The following DCC variants were observed in gnomAD, a reference collection of about 807,000 sequenced individuals.
DCC encodes netrin receptor DCC.
In DCC, 58 loss-of-function variants were observed where a neutral mutation model predicts 172.5. The observed-to-expected ratio is 0.34, with a 90% CI of 0.27 to 0.42. DCC has a LOEUF of 0.42. Among genes scored for constraint, DCC ranks in the 10% least tolerant of loss-of-function variants. The probability of loss-of-function intolerance (pLI) is 1.00; values close to 1 mark genes in which losing one functional copy is unlikely to be tolerated. For missense variants in DCC, 1,740 were observed against 1,791.0 expected, an observed-to-expected ratio of 0.97 and a Z score of 0.51; for synonymous variants, 709 against 644.5, an observed-to-expected ratio of 1.10 and a Z score of -1.52.
At chr18:53,519,826 C>A (rs533986283) in intron 27 of DCC, among the ~76,000 whole-genome samples, 14 of 152,198 alleles carry the variant, frequency 9.2e-5, no homozygotes, top group African/African-American at 2.6e-4. Flanking sequence ...AAAAAGTCAT[C>A]AAAAATTCTA....
rs1362201353 is a variant in DCC at position 53,534,647 on chromosome 18, T to C, written c.*3994T>C. ...GATACTTGGGAAAATCATAGATAGGTGTTTTGTATGATATTCCATTCCAAT... is the reference window on the plus strand; with the variant it reads ...GATACTTGGGAAAATCATAGATAGGCGTTTTGTATGATATTCCATTCCAAT... On this transcript the variant is annotated 3_prime_UTR_variant, in exon 29 of 29. Transcript: ENST00000442544. 1 of 152,182 alleles carries C rather than the reference T, an allele frequency of 6.6e-6. No homozygotes were observed. Among genetic ancestry groups the C allele is most frequent in the African/African-American group, 2.4e-5 (1 of 41,454 alleles). 9.4% of individuals were successfully genotyped at this position (152,182 alleles called of 1,614,324 possible).
At chr18:53,466,294 G>C (rs915468355) in intron 24 of DCC, among the ~76,000 whole-genome samples, 1 of 151,944 alleles carries the variant, frequency 6.6e-6, no homozygotes, top group South Asian at 2.1e-4. Context: ...TTACCATTAG[G>C]GTGCACTTCT....
intron 5 of DCC, among the ~76,000 whole-genome samples, chr18:52,942,672 A>G (rs1388346503): frequency 6.6e-6 from 1 of 152,172 alleles, no homozygotes; most frequent in Non-Finnish European, 1.5e-5. Flanking sequence ...CTTATTCACT[A>G]CCGTGAAAAC....
chr18:53,352,835 A>G (rs1473445519), intron 15 of DCC, among the ~76,000 whole-genome samples: 1 of 151,916 alleles, frequency 6.6e-6, no homozygotes, highest in Non-Finnish European at 1.5e-5. Context: ...ATTTTTTTCT[A>G]AGTTTCTGCA....
intron 7 of DCC, among the ~76,000 whole-genome samples, chr18:53,099,972 A>C (rs1366405877): frequency 3.2e-5 from 3 of 94,532 alleles, no homozygotes; most frequent in Non-Finnish European, 6.0e-5. Context: ...TTTGAGACAG[A>C]GTCTTGCTTT....
chr18:53,143,414 C>A (rs8088857), intron 7 of DCC, among the ~76,000 whole-genome samples: 12 of 152,034 alleles, frequency 7.9e-5, no homozygotes, highest in Non-Finnish European at 4.4e-5. Flanking sequence ...AAAACTCTTA[C>A]AATCTCCAGA....
At chr18:52,746,300 G>T (rs1678125910) in intron 1 of DCC, among the ~76,000 whole-genome samples, 1 of 152,146 alleles carries the variant, frequency 6.6e-6, no homozygotes, top group Non-Finnish European at 1.5e-5. Context: ...GAAAGTTTGT[G>T]TAATTTTAAG....
Position 53,269,155 on chromosome 18 carries a change from C to A in DCC, c.1912-36423C>A, listed in dbSNP as rs529432107. ...GGGTATATGTGCACTTGTGCCTGTG[C>A]ATATGGGATTTTTCTTTTAGCTTGC... On this transcript the variant is annotated intron_variant, in intron 12 of 28. Coordinates refer to ENST00000442544, the MANE Select transcript of DCC (RefSeq NM_005215.4). Among the ~76,000 whole-genome samples the A allele has an allele frequency of 7.2e-5, 11 of 152,088 alleles. 1 individual carries two copies. Among genetic ancestry groups the A allele is most frequent in the Admixed American group, 3.9e-4 (6 of 15,270 alleles).
chr18:52,890,692 A>C (rs1231057245), intron 2 of DCC, among the ~76,000 whole-genome samples: 1 of 152,118 alleles, frequency 6.6e-6, no homozygotes, highest in Non-Finnish European at 1.5e-5. Flanking sequence ...GCAATTTTCC[A>C]AAAGGACAAA....
intron 5 of DCC, among the ~76,000 whole-genome samples, chr18:53,049,832 G>A (rs535889717): frequency 3.3e-5 from 5 of 152,096 alleles, no homozygotes; most frequent in South Asian, 2.1e-4. Context: ...TAGGTCAGAC[G>A]TATATATGAA....
chr18:52,867,153 T>C (rs2039241134), intron 2 of DCC, among the ~76,000 whole-genome samples: 3 of 152,360 alleles, frequency 2.0e-5, no homozygotes, highest in East Asian at 1.9e-4. Context: ...GTTTTTGTCA[T>C]TGGTTCTGTT....
chr18:53,104,398 G>A lies in DCC; in HGVS notation c.1261+38232G>A, dbSNP rs565894936. Among the ~76,000 whole-genome samples the A allele has an allele frequency of 5.3e-5, 8 of 152,054 alleles. No homozygotes were observed. In the South Asian group the frequency reaches 1.7e-3, roughly 32 times the overall value. On this transcript the variant is annotated intron_variant, in intron 7 of 28. Transcript: ENST00000442544. ...CAAGATCTGATGGTTTTAAAAATGG[G>A]AGTTTCCCTGCACAAGCTCTCTCTC...
chr18:52,824,573 A>C (rs1441219123), intron 2 of DCC, among the ~76,000 whole-genome samples: 1 of 152,154 alleles, frequency 6.6e-6, no homozygotes, highest in Non-Finnish European at 1.5e-5. Context: ...ATGCTTGTAC[A>C]TTGAGAGGGG....
chr18:53,253,918 C>T (rs575538250), intron 12 of DCC, among the ~76,000 whole-genome samples: 2 of 152,092 alleles, frequency 1.3e-5, no homozygotes, highest in South Asian at 4.1e-4. Context: ...TCATCTGGAA[C>T]AGGTGATGAA....
At chr18:52,365,677 C>T (rs1598864948) in intron 1 of DCC, among the ~76,000 whole-genome samples, 1 of 152,140 alleles carries the variant, frequency 6.6e-6, no homozygotes, top group Non-Finnish European at 1.5e-5. Flanking sequence ...ATATTACTTA[C>T]GCTGGGAGGA....
intron 1 of DCC, among the ~76,000 whole-genome samples, chr18:52,503,381 A>T (rs1454962054): frequency 3.3e-5 from 5 of 152,160 alleles, no homozygotes; most frequent in African/African-American, 1.2e-4. Context: ...TCTCAAAAAG[A>T]AGCCCAAGCA....
At chr18:52,801,005 T>C (rs979915781) in intron 2 of DCC, among the ~76,000 whole-genome samples, 1 of 152,168 alleles carries the variant, frequency 6.6e-6, no homozygotes, top group Admixed American at 6.5e-5. Context: ...TCTCATCCTC[T>C]GGCAGGCTAG....
rs530427222 is a variant in DCC, at chr18:53,455,398, G to A, written c.3393-3834G>A. On this transcript the variant is annotated intron_variant, in intron 23 of 28. Transcript: ENST00000442544. ...CAATGGACACAGTCTTGCATAAAATGGACACTCAACCAATGTTGGTTTTTA... is the reference window on the plus strand; with the variant it reads ...CAATGGACACAGTCTTGCATAAAATAGACACTCAACCAATGTTGGTTTTTA... Among the ~76,000 whole-genome samples, 12 of 152,184 alleles carry A rather than the reference G, an allele frequency of 7.9e-5. No individual in the cohort carries two copies. In the South Asian group the frequency reaches 8.3e-4, roughly 11 times the overall value.
chr18:53,170,439 A>G (rs2054994647), intron 8 of DCC, among the ~76,000 whole-genome samples: 1 of 152,164 alleles, frequency 6.6e-6, no homozygotes. Flanking sequence ...TTTTTTTTGG[A>G]GTGGGGGCAA....
Sources: gnomAD v4.1 joint callset for allele counts (sites outside exome capture counted in the v4.1 genomes callset) on GRCh38, gnomAD v4.1.1 for gene constraint, MANE v1.5 for transcripts, NCBI Gene and HGNC (gene_info 2026-07-23, HGNC 2026-07-21) for gene names.